Variants in FAAP100 observed in about 807,000 individuals in gnomAD.
FAAP100 encodes Fanconi anemia core complex-associated protein 100.
A neutral mutation model predicts 65.8 loss-of-function variants in FAAP100; 46 were observed. The observed-to-expected ratio is 0.70, with a 90% CI of 0.55 to 0.89. The LOEUF (loss-of-function observed/expected upper bound fraction) is 0.89. Ranked by LOEUF, FAAP100 falls within the 40% of genes least tolerant of loss-of-function variation. The probability of loss-of-function intolerance (pLI) is 0.00; values close to 1 mark genes in which losing one functional copy is unlikely to be tolerated. For synonymous variants in FAAP100, 663 were observed against 555.1 expected, an observed-to-expected ratio of 1.19 and a Z score of -2.73; for missense variants, 1,165 against 1,196.7, an observed-to-expected ratio of 0.97 and a Z score of 0.39.
In FAAP100 at chr17:81,550,731, G is replaced by A; in HGVS notation, c.763C>T (p.Leu255=). The A allele has an allele frequency of 6.2e-7, 1 of 1,612,700 alleles. No individual in the cohort carries two copies. The highest frequency in any genetic ancestry group is 8.5e-7 in the Non-Finnish European group (1 of 1,179,830). ...GACCTGGAGGTGACCAGGGCCTTCA[G>A]GATCACACAGCAGAGCTGGCCATCA... The part of the protein sequence containing the change: ...LPDGQLCCVI[L]KALVTSRSAP... Residue 255 remains leucine (L), a synonymous_variant, in exon 3 of 9, where the codon CTG becomes TTG. Coordinates refer to ENST00000327787, the MANE Select transcript of FAAP100 (RefSeq NM_025161.6).
chr17:81,542,287 TGAGGGAGAATTGCTTGAACCTGGGAGGCA>T lies in FAAP100; in HGVS notation c.2428-921_2428-893del, dbSNP rs1324336352. Among the ~76,000 whole-genome samples, 10 of 138,402 alleles carry T rather than the reference TGAGGGAGAATTGCTTGAACCTGGGAGGCA, an allele frequency of 7.2e-5. No homozygotes were observed. In the East Asian group the frequency reaches 1.3e-3, roughly 18 times the overall value. The allele number at this position is 138,402 out of a possible 152,430, so 90.8% of individuals were successfully genotyped here. A position where few individuals can be genotyped will look rare whatever the true frequency, so the allele number is the denominator to read the frequency against. ...CTGTAATCCCAGCTATTCGGGAGGC[TGAGGGAGAATTGCTTGAACCTGGGAGGCA>T]GAGGGTGCGGTGAGCAGAGATCTCA... On this transcript the variant is annotated intron_variant, in intron 7 of 8. Transcript: ENST00000327787.
At position 81,545,184 on chromosome 17, in the gene FAAP100, CA is replaced by C. The variant is rs796390987; in HGVS notation, c.2310+561del. Among the ~76,000 whole-genome samples the C allele has an allele frequency of 7.0e-4, 106 of 152,326 alleles. 1 individual carries two copies. Among genetic ancestry groups the C allele is most frequent in the African/African-American group, 2.3e-3 (97 of 41,582 alleles). On this transcript the variant is annotated intron_variant, in intron 6 of 8. Transcript: ENST00000327787. ...ACCTTGTCTCAAAGAAAACCAAAAC[CA>C]AGTGCAGACTCTGAGCCCCAGGCAG... is the stretch of plus-strand genomic sequence containing the variant.
Position 81,551,151 on chromosome 17 carries a change from C to CG in FAAP100, c.342dup (p.Val115ArgfsTer42). 6.5e-7 allele frequency: 1 copy of CG among 1,545,076 alleles called. No homozygotes were observed. The highest frequency in any genetic ancestry group is 8.7e-7 in the Non-Finnish European group (1 of 1,142,882). ...CAGGCATCGGGGTCCACAGGGATCA[C>CG]GGGGGAAGGCTGGTCACCGTCCTCG... On this transcript the variant is annotated frameshift_variant, in exon 3 of 9. Coordinates refer to ENST00000327787, the MANE Select transcript of FAAP100 (RefSeq NM_025161.6). LOFTEE classifies it high-confidence loss of function.
rs758078673 is a variant in FAAP100 at position 81,550,981 on chromosome 17, A to G, written c.513T>C (p.Gly171=). 1.2e-6 allele frequency: 2 copies of G among 1,611,762 alleles called. No individual in the cohort carries two copies. The highest frequency in any genetic ancestry group is 1.3e-5 in the African/African-American group (1 of 74,896). The change falls in exon 3 of 9, where the codon GGT becomes GGC. Residue 171 remains glycine, a synonymous_variant. Coordinates refer to ENST00000327787, the MANE Select transcript of FAAP100 (RefSeq NM_025161.6). ...GEDPRPGGQI[G]EVELSSYTPP... is the part of the protein sequence containing the mutation. ...GCGTGTAGGAGGACAGCTCCACCTCACCGATCTGGCCTCCTGGCCGGGGGT... is the reference window on the plus strand; with the variant it reads ...GCGTGTAGGAGGACAGCTCCACCTCGCCGATCTGGCCTCCTGGCCGGGGGT...
At chr17:81,542,685 C>T (rs755077283) in intron 7 of FAAP100, among the ~76,000 whole-genome samples, 2 of 152,178 alleles carry the variant, frequency 1.3e-5, no homozygotes, top group African/African-American at 2.4e-5. Context: ...CAGATTCATG[C>T]GGAAGCCCTA....
chr17:81,544,517 A>C (rs1219885621), intron 6 of FAAP100, among the ~76,000 whole-genome samples: 1 of 152,118 alleles, frequency 6.6e-6, no homozygotes, highest in African/African-American at 2.4e-5. Flanking sequence ...GTCCCCCCAC[A>C]CCAGGCATCA....
Position 81,552,051 on chromosome 17 carries a change from G to T in FAAP100, c.167C>A (p.Ala56Glu). 6.6e-7 allele frequency: 1 copy of T among 1,518,202 alleles called. No individual in the cohort carries two copies. The highest frequency in any genetic ancestry group is 2.1e-5 in the Admixed American group (1 of 48,260). The allele number at this position is 1,518,202 out of a possible 1,614,324, so 94.0% of individuals were successfully genotyped here. A position where few individuals can be genotyped will look rare whatever the true frequency, so the allele number is the denominator to read the frequency against. The change falls in exon 2 of 9, where the codon GCG (alanine) becomes GAG (glutamate). Residue 56 changes from alanine to glutamate, a missense_variant and splice_region_variant. Transcript: ENST00000327787. The part of the protein sequence containing the change: ...VYDQEGGLLT[A>E]AFRFPDQVWH... The stretch of plus-strand genomic sequence containing the variant: ...CACCTGGTCGGGGAACCGGAACGCC[G>T]CCTGCGGACCGGGGCGCGGGTCAGG...
In FAAP100 at chr17:81,550,409, G is replaced by C; in HGVS notation, c.1085C>G (p.Thr362Ser). ...CGGGGRVYHS[T>S]PSDLCVVDLS... ...ATCCACCACACAGAGGTCAGAAGGG[G>C]TGCTGTGGTACACGCGGCCACCCCC... The change falls in exon 3 of 9, where the codon ACC becomes AGC. Residue 362 changes from threonine to serine, a missense_variant. Coordinates refer to ENST00000327787, the MANE Select transcript of FAAP100 (RefSeq NM_025161.6). The C allele has an allele frequency of 1.9e-6, 3 of 1,612,704 alleles. No homozygotes were observed. The highest frequency in any genetic ancestry group is 2.5e-6 in the Non-Finnish European group (3 of 1,179,986).
intron 7 of FAAP100, among the ~76,000 whole-genome samples, chr17:81,543,796 G>A (rs1403652905): frequency 6.6e-6 from 1 of 152,134 alleles, no homozygotes; most frequent in Non-Finnish European, 1.5e-5. Flanking sequence ...GAGCAGCATT[G>A]GCCTCCTGAG....
chr17:81,549,106 C>G, intron 4 of FAAP100, 100 bp downstream of exon 4: 2 of 1,347,914 alleles, frequency 1.5e-6, no homozygotes, highest in Non-Finnish European at 2.0e-6. Flanking sequence ...TGGACCGTTG[C>G]CACCCGAGGA....
Position 81,540,814 on chromosome 17 carries a change from C to T in FAAP100, c.*5G>A. 1 of 1,515,200 alleles carries T rather than the reference C, an allele frequency of 6.6e-7. No homozygotes were observed. The highest frequency in any genetic ancestry group is 8.8e-7 in the Non-Finnish European group (1 of 1,130,642). 93.9% of individuals were successfully genotyped at this position (1,515,200 alleles called of 1,614,324 possible). On this transcript the variant is annotated 3_prime_UTR_variant, in exon 9 of 9. Coordinates refer to ENST00000327787, the MANE Select transcript of FAAP100 (RefSeq NM_025161.6). Reference sequence around the variant, plus strand: ...TGGCCAGAGCCCAGGGGCAGGCCCGCCTGGTCACAGCAGGATGAGGCTGGG... The same window carrying T: ...TGGCCAGAGCCCAGGGGCAGGCCCGTCTGGTCACAGCAGGATGAGGCTGGG...
rs919972025 is a variant in FAAP100, at chr17:81,540,927, G to A, written c.2538C>T (p.Thr846=). ...CCTCCGTGCAGAGCCGGTCGCGCAGGGTCTGCACCTCCCGCAGCAGTGTCT... is the reference window on the plus strand; with the variant it reads ...CCTCCGTGCAGAGCCGGTCGCGCAGAGTCTGCACCTCCCGCAGCAGTGTCT... The part of the protein sequence containing the change: ...NHETLLREVQ[T]LRDRLCTEDE... The change falls in exon 9 of 9, where the codon ACC becomes ACT. Residue 846 remains threonine (T), a synonymous_variant. Transcript: ENST00000327787. The A allele has an allele frequency of 1.3e-6, 2 of 1,590,330 alleles. No homozygotes were observed. The highest frequency in any genetic ancestry group is 2.7e-5 in the African/African-American group (2 of 74,784).
At chr17:81,544,789 C>T (rs11870015) in intron 6 of FAAP100, among the ~76,000 whole-genome samples, 8 of 152,090 alleles carry the variant, frequency 5.3e-5, no homozygotes, top group East Asian at 1.9e-4. Flanking sequence ...ACCGACCTGC[C>T]GGGCCACCAA....
In FAAP100 at chr17:81,550,900, G is replaced by A. The variant is rs1293240279; in HGVS notation, c.594C>T (p.Cys198=). The change falls in exon 3 of 9, where the codon TGC becomes TGT. Residue 198 remains cysteine, a synonymous_variant. Coordinates refer to ENST00000327787, the MANE Select transcript of FAAP100 (RefSeq NM_025161.6). ...PAAPHFLPVL[C]SVSPSGSRVP... ...CCCTGGAGCCTGATGGTGACACAGA[G>A]CACAGCACTGGAAGGAAGTGGGGGG... 21 of 1,612,574 alleles carry A rather than the reference G, an allele frequency of 1.3e-5. No individual in the cohort carries two copies. Among genetic ancestry groups the A allele is most frequent in the Non-Finnish European group, 1.8e-5 (21 of 1,179,834 alleles).
intron 4 of FAAP100, chr17:81,547,955 G>A (rs1404457993): frequency 1.4e-6 from 1 of 703,670 alleles, no homozygotes; most frequent in Non-Finnish European, 2.6e-6. Flanking sequence ...GGTGCTCCGG[G>A]GACCTAGGCT....
intron 7 of FAAP100, among the ~76,000 whole-genome samples, chr17:81,543,170 C>G (rs1287022812): frequency 2.0e-5 from 3 of 152,222 alleles, no homozygotes; most frequent in African/African-American, 7.2e-5. Flanking sequence ...GGCAGAGCCA[C>G]TGTTCACAGA....
intron 7 of FAAP100, among the ~76,000 whole-genome samples, chr17:81,543,281 G>A (rs748250364): frequency 2.0e-5 from 3 of 152,198 alleles, no homozygotes; most frequent in Non-Finnish European, 2.9e-5. Flanking sequence ...GGGCATGCAC[G>A]TTGATAACAA....
chr17:81,541,126 G>GC (rs952787020), intron 8 of FAAP100, among the ~76,000 whole-genome samples, 176 bp from the exon 9 acceptor site: 1 of 152,184 alleles, frequency 6.6e-6, no homozygotes, highest in Admixed American at 6.5e-5. Flanking sequence ...CGGACACCCA[G>GC]CCCCTCAAGT....
chr17:81,544,214 G>GT, intron 6 of FAAP100, 94 bp from the exon 7 acceptor site: 2 of 1,015,500 alleles, frequency 2.0e-6, no homozygotes, highest in Non-Finnish European at 3.0e-6. Flanking sequence ...CTGGCAGCAC[G>GT]TGAGGCCCTG....
Sources: allele counts gnomAD v4.1 joint callset (sites outside exome capture counted in the v4.1 genomes callset), GRCh38; gene constraint gnomAD v4.1.1; transcripts MANE v1.5; gene names NCBI Gene and HGNC (gene_info 2026-07-23, HGNC 2026-07-21).